SKAP1: variants seen among roughly 807,000 people sequenced by gnomAD.
The protein encoded by SKAP1 is src kinase associated phosphoprotein 1.
SKAP1 carries 44 observed loss-of-function variants against 58.5 expected under a neutral mutation model. That is an observed-to-expected ratio of 0.75 (90% CI 0.59 to 0.97). The LOEUF (loss-of-function observed/expected upper bound fraction) is 0.97. Ranked by LOEUF, SKAP1 falls within the 50% of genes least tolerant of loss-of-function variation. The pLI is 0.00. For missense variants in SKAP1, 390 were observed against 435.2 expected (o/e 0.90, Z 0.92); for synonymous variants, 127 against 149.7 (o/e 0.85, Z 1.11).
intron 11 of SKAP1, among the ~76,000 whole-genome samples, chr17:48,146,796 T>A (rs1355621650): frequency 1.3e-5 from 2 of 152,010 alleles, no homozygotes; most frequent in African/African-American, 4.8e-5. Flanking sequence ...GCCCAGCTAA[T>A]TTTTGTATTT....
intron 4 of SKAP1, among the ~76,000 whole-genome samples, chr17:48,338,432 A>T (rs9747388): frequency 6.6e-6 from 1 of 152,220 alleles, no homozygotes; most frequent in Admixed American, 6.5e-5. Context: ...GATTACAGGC[A>T]TGAGTCACCG....
chr17:48,346,092 A>G, intron 3 of SKAP1, 86 bp from the exon 4 acceptor site: 1 of 717,244 alleles, frequency 1.4e-6, no homozygotes, highest in Non-Finnish European at 2.2e-6. Context: ...TCTATGTATG[A>G]TCTCTTCCAG....
At chr17:48,430,054 G>T in intron 1 of SKAP1, 21 bp downstream of exon 1, 1 of 1,263,428 alleles carries the variant, frequency 7.9e-7, no homozygotes, top group Non-Finnish European at 1.0e-6. Context: ...GCACTGGAGG[G>T]GGCCTGCGCC....
intron 8 of SKAP1, 54 bp from the exon 9 acceptor site, chr17:48,180,302 C>A: frequency 5.2e-6 from 7 of 1,358,446 alleles, no homozygotes; most frequent in Admixed American, 2.6e-5. Flanking sequence ...GAAAATAAGA[C>A]AGGAAAGGAA....
chr17:48,254,036 G>A (rs963152508), intron 4 of SKAP1, among the ~76,000 whole-genome samples: 3 of 152,082 alleles, frequency 2.0e-5, no homozygotes, highest in African/African-American at 7.2e-5. Context: ...TTACTGTACT[G>A]AGATGACATG....
chr17:48,200,468 C>G (rs2064713791), intron 4 of SKAP1, among the ~76,000 whole-genome samples: 1 of 151,678 alleles, frequency 6.6e-6, no homozygotes, highest in Admixed American at 6.6e-5. Flanking sequence ...CCTCCGCCTC[C>G]CAGGTTCAAG....
intron 1 of SKAP1, among the ~76,000 whole-genome samples, chr17:48,421,216 A>G (rs1002052714): frequency 6.6e-6 from 1 of 152,180 alleles, no homozygotes; most frequent in African/African-American, 2.4e-5. Context: ...TTAGCAAACA[A>G]AAGGGAGGAG....
At chr17:48,280,149 C>T (rs1018105432) in intron 4 of SKAP1, among the ~76,000 whole-genome samples, 5 of 152,054 alleles carry the variant, frequency 3.3e-5, no homozygotes, top group African/African-American at 1.2e-4. Flanking sequence ...GTTTTAAATA[C>T]TTTATTGAGA....
intron 7 of SKAP1, among the ~76,000 whole-genome samples, chr17:48,184,336 T>G (rs2064415208): frequency 6.6e-6 from 1 of 152,170 alleles, no homozygotes; most frequent in African/African-American, 2.4e-5. Context: ...AGTTAGATCT[T>G]TTTTTGGGAT....
rs768485885 is a variant in SKAP1, at chr17:48,184,810, G to A, written c.480C>T (p.Tyr160=). 4.3e-6 allele frequency: 7 copies of A among 1,613,792 alleles called. No homozygotes were observed. The highest frequency in any genetic ancestry group is 4.2e-6 in the Non-Finnish European group (5 of 1,179,750). ...GCAGGTGGGGGGCCATCCGTACACC[G>A]TAGCCCTTAATGAGGAAGGTCCCTT... The part of the protein sequence containing the change: ...QPKGTFLIKG[Y]GVRMAPHLRR... Residue 160 remains tyrosine, a synonymous_variant, in exon 7 of 13, where the codon TAC becomes TAT. Transcript: ENST00000336915.
intron 11 of SKAP1, among the ~76,000 whole-genome samples, chr17:48,148,432 C>G (rs76161869): frequency 6.6e-6 from 1 of 152,196 alleles, no homozygotes; most frequent in Non-Finnish European, 1.5e-5. Context: ...CATTTCGGAG[C>G]TGATAGAATT....
intron 1 of SKAP1, among the ~76,000 whole-genome samples, chr17:48,416,526 C>T (rs2067733024): frequency 6.6e-6 from 1 of 152,148 alleles, no homozygotes; most frequent in South Asian, 2.1e-4. Flanking sequence ...AACAGTAAGA[C>T]AATCTTTCCA....
intron 4 of SKAP1, among the ~76,000 whole-genome samples, chr17:48,329,356 T>C (rs1414928731): frequency 6.6e-6 from 1 of 152,244 alleles, no homozygotes; most frequent in African/African-American, 2.4e-5. Flanking sequence ...CTTTTTAAAG[T>C]AACTCCGGAG....
intron 4 of SKAP1, among the ~76,000 whole-genome samples, chr17:48,312,758 C>G (rs1474995097): frequency 6.6e-6 from 1 of 152,188 alleles, no homozygotes; most frequent in African/African-American, 2.4e-5. Flanking sequence ...AAACAACTTT[C>G]TTAGCTGTCT....
At chr17:48,172,377 ACTC>A (rs2064229068) in intron 9 of SKAP1, among the ~76,000 whole-genome samples, 1 of 152,102 alleles carries the variant, frequency 6.6e-6, no homozygotes, top group Non-Finnish European at 1.5e-5. Flanking sequence ...TAAGTTTCTT[ACTC>A]CCATTAACCG....
chr17:48,198,404 G>A (rs1461285298), intron 4 of SKAP1, among the ~76,000 whole-genome samples: 4 of 132,778 alleles, frequency 3.0e-5, no homozygotes, highest in African/African-American at 1.1e-4. Flanking sequence ...GCAGTGAGCC[G>A]AGATGGCGCC....
chr17:48,308,258 T>G lies in SKAP1; in HGVS notation c.280+37647A>C, dbSNP rs942865330. 3.9e-5 allele frequency: 6 copies of G among 152,182 alleles called. No individual in the cohort carries two copies. The East Asian group carries it at 7.7e-4, about 20-fold the overall frequency. The allele number at this position is 152,182 out of a possible 1,614,324, so 9.4% of individuals were successfully genotyped here. Reference sequence around the variant, plus strand: ...TCCTTCCAAAAGTACAACTGAGCTATCCTTAGAGTAAAATAAGAAAAATAA... The same window carrying G: ...TCCTTCCAAAAGTACAACTGAGCTAGCCTTAGAGTAAAATAAGAAAAATAA... On this transcript the variant is annotated intron_variant, in intron 4 of 12. Coordinates refer to ENST00000336915, the MANE Select transcript of SKAP1 (RefSeq NM_003726.4).
chr17:48,160,471 G>GTT lies in SKAP1; in HGVS notation c.978+1996_978+1997dup, dbSNP rs56322708. ...TTTTAGTAACAGAGAAGGGGAAGAG[G>GTT]TTTTTTTTTTTTTCTTTTTAAAGAT... is the stretch of plus-strand genomic sequence containing the variant. On this transcript the variant is annotated intron_variant, in intron 11 of 12. Coordinates refer to ENST00000336915, the MANE Select transcript of SKAP1 (RefSeq NM_003726.4). Among the ~76,000 whole-genome samples the GTT allele has an allele frequency of 1.9e-3, 281 of 145,618 alleles. 1 individual carries two copies. Among genetic ancestry groups the GTT allele is most frequent in the Middle Eastern group, 0.01 (3 of 286 alleles).
At chr17:48,259,633 CTACA>C (rs2065464542) in intron 4 of SKAP1, among the ~76,000 whole-genome samples, 1 of 152,020 alleles carries the variant, frequency 6.6e-6, no homozygotes. Flanking sequence ...AGACTGTTAC[CTACA>C]TAATTTGCAG....
Sources: allele counts gnomAD v4.1 joint callset (sites outside exome capture counted in the v4.1 genomes callset), GRCh38; gene constraint gnomAD v4.1.1; transcripts MANE v1.5; gene names NCBI Gene and HGNC (gene_info 2026-07-23, HGNC 2026-07-21).